The following NIT2 variants were observed in gnomAD, a reference collection of about 807,000 sequenced individuals.
The protein encoded by NIT2 is nitrilase family member 2, also known as omega-amidase NIT2.
NIT2 carries 46 observed loss-of-function variants against 42.7 expected under a neutral mutation model. That is an observed-to-expected ratio of 1.08 (90% CI 0.85 to 1.38). The LOEUF (loss-of-function observed/expected upper bound fraction) is 1.38, where lower values mean the gene tolerates loss of function less well. Ranked by LOEUF, NIT2 falls within the 40% of genes most tolerant of loss-of-function variation. The pLI, the probability that NIT2 is intolerant of heterozygous loss-of-function variation, is 0.00. For synonymous variants in NIT2, 123 were observed against 121.9 expected, an observed-to-expected ratio of 1.01 and a Z score of -0.06; for missense variants, 309 against 342.5, an observed-to-expected ratio of 0.90 and a Z score of 0.77.
chr3:100,345,989 G>A, intron 5 of NIT2, 192 bp from the exon 6 acceptor site: 2 of 604,180 alleles, frequency 3.3e-6, no homozygotes, highest in South Asian at 2.0e-5. Context: ...TCTTTACTCC[G>A]CTGATGTAAA....
intron 6 of NIT2, among the ~76,000 whole-genome samples, chr3:100,348,180 G>C (rs1576202113): frequency 2.0e-5 from 3 of 152,274 alleles, no homozygotes; most frequent in South Asian, 4.1e-4. Flanking sequence ...GCGTGAGCCA[G>C]CGCACCCACC....
In NIT2 at chr3:100,355,559, G is replaced by C; in HGVS notation, c.*291G>C. On this transcript the variant is annotated 3_prime_UTR_variant, in exon 10 of 10. Coordinates refer to ENST00000394140, the MANE Select transcript of NIT2 (RefSeq NM_020202.5). ...GAAAGTATCAGATCTTGGTATCCTG[G>C]TGATTGATTCACCTAATATAAATAT... 1 of 301,262 alleles carries C rather than the reference G, an allele frequency of 3.3e-6. No homozygotes were observed. The highest frequency in any genetic ancestry group is 6.2e-5 in the East Asian group (1 of 16,156). The allele number at this position is 301,262 out of a possible 1,614,324, so 18.7% of individuals were successfully genotyped here. A position where few individuals can be genotyped will look rare whatever the true frequency, so the allele number is the denominator to read the frequency against.
chr3:100,351,438 T>G (rs1313718794), intron 7 of NIT2, among the ~76,000 whole-genome samples: 1 of 151,998 alleles, frequency 6.6e-6, no homozygotes, highest in East Asian at 1.9e-4. Flanking sequence ...AACAGAGCCC[T>G]CAGAAATAAC....
chr3:100,338,888 G>A (rs1482427812), intron 1 of NIT2, among the ~76,000 whole-genome samples, 199 bp from the exon 2 acceptor site: 2 of 152,134 alleles, frequency 1.3e-5, no homozygotes, highest in Non-Finnish European at 2.9e-5. Flanking sequence ...CCTATGCATT[G>A]TAGGATGTTT....
chr3:100,345,741 CT>C, intron 5 of NIT2, 63 bp downstream of exon 5: 1 of 1,017,452 alleles, frequency 9.8e-7, no homozygotes. Context: ...GTATTTATTT[CT>C]TTTTTGTCTC....
chr3:100,352,465 T>C lies in NIT2; in HGVS notation c.646T>C (p.Tyr216His), dbSNP rs1043288582. The C allele has an allele frequency of 1.9e-6, 3 of 1,613,474 alleles. No homozygotes were observed. Among genetic ancestry groups the C allele is most frequent in the Middle Eastern group, 3.3e-4 (2 of 6,078 alleles). Residue 216 changes from tyrosine (Y) to histidine (H), a missense_variant, in exon 8 of 10, where the codon TAT becomes CAT. Physicochemically the swap from Tyr to His is moderately conservative, Grantham distance 83 (BLOSUM62 2). Transcript: ENST00000394140. ...ASPARDDKAS[Y>H]VAWGHSTVVN... ...TCCTGCCCGGGATGACAAAGCCTCCTATGTTGCCTGGGGACACAGCACCGT... is the reference window on the plus strand; with the variant it reads ...TCCTGCCCGGGATGACAAAGCCTCCCATGTTGCCTGGGGACACAGCACCGT...
intron 6 of NIT2, among the ~76,000 whole-genome samples, chr3:100,347,836 G>T (rs895315084): frequency 6.6e-6 from 1 of 152,130 alleles, no homozygotes; most frequent in Non-Finnish European, 1.5e-5. Flanking sequence ...AAAAGGGAGG[G>T]TGTGTGTACT....
rs767210086 is a variant in NIT2 at position 100,348,893 on chromosome 3, A to G, written c.584+12A>G. On this transcript the variant is annotated intron_variant, in intron 7 of 9. Transcript: ENST00000394140. ...CTTCAGCGAAGCCGGTAAGAAAGGA[A>G]CCATATATTCAAGCCTCTCGGCATG... 1.1e-5 allele frequency: 17 copies of G among 1,611,850 alleles called. No individual in the cohort carries two copies. Among genetic ancestry groups the G allele is most frequent in the Non-Finnish European group, 1.4e-5 (16 of 1,178,124 alleles).
Position 100,334,813 on chromosome 3 carries a change from C to T in NIT2, c.7+15C>T, listed in dbSNP as rs765783662. The T allele has an allele frequency of 2.3e-5, 30 of 1,299,348 alleles. No homozygotes were observed. In the African/African-American group the frequency reaches 4.1e-4, roughly 18 times the overall value. 80.5% of individuals were successfully genotyped at this position (1,299,348 alleles called of 1,614,324 possible). On this transcript the variant is annotated intron_variant, in intron 1 of 9. Coordinates refer to ENST00000394140, the MANE Select transcript of NIT2 (RefSeq NM_020202.5). ...AGTCATGACCTGTAAGTGGCGCGGCCGCGCGCTGCAGCTCGAGTTCGGGCC... is the reference window on the plus strand; with the variant it reads ...AGTCATGACCTGTAAGTGGCGCGGCTGCGCGCTGCAGCTCGAGTTCGGGCC...
chr3:100,353,381 T>A (rs1706293129), intron 8 of NIT2, among the ~76,000 whole-genome samples: 2 of 152,284 alleles, frequency 1.3e-5, no homozygotes, highest in Middle Eastern at 6.8e-3. Flanking sequence ...CTTCTGCCTT[T>A]ATAGGTAGGG....
At chr3:100,347,887 T>C (rs1028881830) in intron 6 of NIT2, among the ~76,000 whole-genome samples, 1 of 151,922 alleles carries the variant, frequency 6.6e-6, no homozygotes. Context: ...CATCTACCTT[T>C]ATGGGTTTCC....
chr3:100,338,209 T>C (rs186326668), intron 1 of NIT2, among the ~76,000 whole-genome samples: 3 of 152,332 alleles, frequency 2.0e-5, no homozygotes, highest in African/African-American at 7.2e-5. Flanking sequence ...CCAACCTCCT[T>C]GCTCCAGGGC....
In NIT2 at chr3:100,356,368, A is replaced by T. The variant is rs1706325431; in HGVS notation, c.*1100A>T. The T allele has an allele frequency of 6.6e-6, 1 of 152,250 alleles. No individual in the cohort carries two copies. Among genetic ancestry groups the T allele is most frequent in the Non-Finnish European group, 1.5e-5 (1 of 68,052 alleles). The allele number at this position is 152,250 out of a possible 1,614,324, so 9.4% of individuals were successfully genotyped here. A position where few individuals can be genotyped will look rare whatever the true frequency, so the allele number is the denominator to read the frequency against. The stretch of plus-strand genomic sequence containing the variant: ...CCTCTAAACACAGAGTTGGGAATAG[A>T]TGTGCACAATCAGCTCTGGGGAGCT... On this transcript the variant is annotated 3_prime_UTR_variant, in exon 10 of 10. Transcript: ENST00000394140.
intron 1 of NIT2, among the ~76,000 whole-genome samples, chr3:100,335,677 T>A (rs544539373): frequency 6.6e-6 from 1 of 152,314 alleles, no homozygotes; most frequent in African/African-American, 2.4e-5. Context: ...GCCATCAGCG[T>A]AGCCATGGTG....
At chr3:100,354,602 A>T (rs1421272495) in intron 8 of NIT2, among the ~76,000 whole-genome samples, 170 bp from the exon 9 acceptor site, 2 of 152,220 alleles carry the variant, frequency 1.3e-5, no homozygotes, top group Admixed American at 1.3e-4. Flanking sequence ...ATGCCTTCCC[A>T]TAAGGTCACA....
intron 6 of NIT2, 108 bp from the exon 7 acceptor site, chr3:100,348,695 G>A (rs1706242114): frequency 3.8e-6 from 3 of 796,878 alleles, no homozygotes; most frequent in Admixed American, 2.4e-5. Flanking sequence ...ATCTTTTTAT[G>A]TTTGGGAAAG....
chr3:100,340,190 G>A (rs1706132726), intron 3 of NIT2, among the ~76,000 whole-genome samples: 1 of 152,140 alleles, frequency 6.6e-6, no homozygotes, highest in African/African-American at 2.4e-5. Context: ...CCCACCTCCT[G>A]AGTAGCTAGG....
At chr3:100,354,663 C>T in intron 8 of NIT2, 109 bp from the exon 9 acceptor site, 1 of 705,656 alleles carries the variant, frequency 1.4e-6, no homozygotes, top group Non-Finnish European at 2.3e-6. Flanking sequence ...TTCTTGTTTT[C>T]AATCTCATAC....
chr3:100,349,099 G>T, intron 7 of NIT2: 2 of 385,770 alleles, frequency 5.2e-6, no homozygotes, highest in Non-Finnish European at 9.4e-6. Flanking sequence ...ATGGATTTTG[G>T]AAACTGTACT....
Sources: gnomAD v4.1 joint callset for allele counts (sites outside exome capture counted in the v4.1 genomes callset) on GRCh38, gnomAD v4.1.1 for gene constraint, MANE v1.5 for transcripts, NCBI Gene and HGNC (gene_info 2026-07-23, HGNC 2026-07-21) for gene names.